Variants in ZNF536 observed in about 807,000 individuals in gnomAD.
The protein encoded by ZNF536 is zinc finger protein 536.
A neutral mutation model predicts 84.5 loss-of-function variants in ZNF536; 13 were observed. The ratio of observed to expected loss-of-function variants is 0.15; its 90% CI spans 0.10 to 0.24. The LOEUF (loss-of-function observed/expected upper bound fraction) is 0.24. ZNF536 is among the 10% of genes least tolerant of loss of function. ZNF536 has a pLI of 1.00. For missense variants in ZNF536, 1,536 were observed against 1,747.5 expected, an observed-to-expected ratio of 0.88 and a Z score of 2.16; for synonymous variants, 811 against 742.5, an observed-to-expected ratio of 1.09 and a Z score of -1.50.
intron 3 of ZNF536, among the ~76,000 whole-genome samples, chr19:30,367,162 C>T (rs1460806015): frequency 6.6e-6 from 1 of 152,222 alleles, no homozygotes; most frequent in East Asian, 1.9e-4. Context: ...GACCTCTCAC[C>T]TCTGAAAGAC....
intron 1 of ZNF536, among the ~76,000 whole-genome samples, chr19:30,279,732 C>T (rs1053571322): frequency 3.9e-5 from 6 of 152,154 alleles, no homozygotes; most frequent in African/African-American, 1.2e-4. Flanking sequence ...GGTTCCGAGG[C>T]ATTGCTTGGG....
intron 2 of ZNF536, among the ~76,000 whole-genome samples, chr19:30,472,406 C>A (rs571019864): frequency 6.6e-6 from 1 of 152,158 alleles, no homozygotes; most frequent in Non-Finnish European, 1.5e-5. Flanking sequence ...TATCTCACTG[C>A]GACGGCTGCC....
intron 2 of ZNF536, among the ~76,000 whole-genome samples, chr19:30,315,513 T>C (rs1355775509): frequency 6.6e-6 from 1 of 152,288 alleles, no homozygotes; most frequent in Admixed American, 6.5e-5. Flanking sequence ...AGGGGCCCGA[T>C]AGGAAGGTCC....
intron 1 of ZNF536, among the ~76,000 whole-genome samples, chr19:30,687,866 T>C (rs1219295852): frequency 2.0e-5 from 3 of 152,186 alleles, no homozygotes; most frequent in African/African-American, 7.2e-5. Flanking sequence ...ATTTGCATGA[T>C]TCTTGAACAC....
At chr19:30,600,513 T>C (rs1036271307) in intron 1 of ZNF536, among the ~76,000 whole-genome samples, 4 of 152,214 alleles carry the variant, frequency 2.6e-5, no homozygotes, top group Admixed American at 6.5e-5. Flanking sequence ...AATGTATCTA[T>C]ATGGTTCCAG....
intron 1 of ZNF536, among the ~76,000 whole-genome samples, chr19:30,275,185 A>AGGACT (rs2026062093): frequency 1.3e-5 from 2 of 152,130 alleles, no homozygotes; most frequent in South Asian, 4.1e-4. Flanking sequence ...GGGGAGCTGG[A>AGGACT]GGACTCCATC....
At position 30,443,632 on chromosome 19, in the gene ZNF536, C is replaced by T. The variant is rs377056320; in HGVS notation, c.70C>T (p.Pro24Ser). The T allele has an allele frequency of 8.1e-6, 13 of 1,610,710 alleles. No individual in the cohort carries two copies. The highest frequency in any genetic ancestry group is 3.3e-5 in the South Asian group (3 of 90,370). ...GGAAGCTGAGCCCCACCTGAGTGGC[C>T]CCGTCCTCAACGGCCAGTATGCCAT... ...EPEAEPHLSG[P>S]VLNGQYAMSQ... is the part of the protein sequence containing the mutation. Residue 24 changes from proline (P) to serine (S), a missense_variant, in exon 2 of 5, where the codon CCC (proline) becomes TCC (serine). Pro to Ser is a moderately conservative substitution (Grantham distance 74, BLOSUM62 -1). Transcript: ENST00000355537.
chr19:30,390,340 G>A (rs2049531612), intron 1 of ZNF536, among the ~76,000 whole-genome samples: 1 of 152,148 alleles, frequency 6.6e-6, no homozygotes. Flanking sequence ...TGCTGAAAAA[G>A]GTCTAGATGA....
intron 1 of ZNF536, among the ~76,000 whole-genome samples, chr19:30,703,269 C>A (rs2052071808): frequency 6.6e-6 from 1 of 152,132 alleles, no homozygotes; most frequent in South Asian, 2.1e-4. Context: ...ACTATGCAGG[C>A]TTTAAGGGAG....
chr19:30,490,301 A>G (rs911175704), intron 2 of ZNF536, among the ~76,000 whole-genome samples: 5 of 152,186 alleles, frequency 3.3e-5, no homozygotes, highest in Non-Finnish European at 7.3e-5. Flanking sequence ...AGAAGATCCT[A>G]TTAGGCAAGT....
intron 3 of ZNF536, among the ~76,000 whole-genome samples, chr19:30,538,431 A>G (rs748869090): frequency 2.6e-5 from 4 of 152,228 alleles, no homozygotes; most frequent in Non-Finnish European, 5.9e-5. Context: ...ATCAATGGAT[A>G]AAACCTCTCT....
intron 1 of ZNF536, among the ~76,000 whole-genome samples, chr19:30,608,301 C>T (rs989052625): frequency 5.9e-5 from 9 of 152,184 alleles, no homozygotes; most frequent in Admixed American, 5.9e-4. Flanking sequence ...TGTCCCTATT[C>T]ACCTCATCAC....
chr19:30,260,416 A>G (rs2025146441), intron 1 of ZNF536, among the ~76,000 whole-genome samples: 1 of 152,170 alleles, frequency 6.6e-6, no homozygotes, highest in African/African-American at 2.4e-5. Flanking sequence ...GGATTCTCCT[A>G]CTCATTGCAG....
chr19:30,538,350 AT>A (rs1439998994), intron 3 of ZNF536, among the ~76,000 whole-genome samples: 48 of 152,222 alleles, frequency 3.2e-4, no homozygotes, highest in Admixed American at 3.1e-3. Context: ...TTTAATTGGG[AT>A]ATCAGATGGC....
At chr19:30,321,043 C>T (rs2046838501) in intron 2 of ZNF536, among the ~76,000 whole-genome samples, 1 of 152,200 alleles carries the variant, frequency 6.6e-6, no homozygotes, top group Admixed American at 6.5e-5. Context: ...ATCTCCGTCC[C>T]TTGGGCGTGG....
intron 2 of ZNF536, among the ~76,000 whole-genome samples, chr19:30,295,778 GCAAGA>G (rs1299605823): frequency 3.3e-5 from 5 of 152,202 alleles, no homozygotes; most frequent in African/African-American, 1.2e-4. Flanking sequence ...TGAAGCAAAG[GCAAGA>G]CTTTTAATCA....
At chr19:30,691,767 GA>G (rs1300890290) in intron 1 of ZNF536, among the ~76,000 whole-genome samples, 3 of 152,348 alleles carry the variant, frequency 2.0e-5, no homozygotes, top group East Asian at 1.9e-4. Flanking sequence ...GGGGAGGGGG[GA>G]AACCAGACAT....
chr19:30,402,341 G>T (rs984483758), intron 1 of ZNF536, among the ~76,000 whole-genome samples: 9 of 152,012 alleles, frequency 5.9e-5, no homozygotes, highest in Admixed American at 3.9e-4. Context: ...AAAAAAAAGA[G>T]AAAACAGCAA....
intron 2 of ZNF536, among the ~76,000 whole-genome samples, chr19:30,533,317 T>C (rs577895670): frequency 4.6e-5 from 7 of 152,144 alleles, no homozygotes; most frequent in Admixed American, 6.5e-5. Flanking sequence ...GGCCAGGAGT[T>C]CAAGACCAGC....
Sources: allele counts gnomAD v4.1 joint callset (sites outside exome capture counted in the v4.1 genomes callset), GRCh38; gene constraint gnomAD v4.1.1; transcripts MANE v1.5; gene names NCBI Gene and HGNC (gene_info 2026-07-23, HGNC 2026-07-21).